Variants in RAB33A observed in about 807,000 individuals in gnomAD.
RAB33A encodes the protein RAB33A, member RAS oncogene family.
In RAB33A, 6 loss-of-function variants were observed where a neutral mutation model predicts 12.0. The observed-to-expected ratio is 0.50, with a 90% CI of 0.27 to 0.99. The LOEUF is 0.99. Among genes scored for constraint, RAB33A ranks in the 50% least tolerant of loss-of-function variants. RAB33A has a pLI of 0.11. For synonymous variants in RAB33A, 70 were observed against 82.4 expected (o/e 0.85, Z 0.81); for missense variants, 109 against 192.0 (o/e 0.57, Z 2.55).
the RAB33A span, among the ~76,000 whole-genome samples, chrX:130,112,417 A>G: frequency 2.7e-5 from 3 of 111,806 alleles, no homozygotes; most frequent in African/African-American, 9.8e-5. Context: ...ACACGCGTGC[A>G]CACACACACA....
the RAB33A span, chrX:130,136,769 G>GT: frequency 3.8e-5 from 44 of 1,164,211 alleles, no homozygotes; most frequent in Non-Finnish European, 5.2e-5. Context: ...GAGCCTACAA[G>GT]GCTATCACTT....
intron 1 of RAB33A, among the ~76,000 whole-genome samples, chrX:130,179,415 T>C (rs937136858): frequency 3.1e-4 from 34 of 110,522 alleles, no homozygotes; most frequent in African/African-American, 1.1e-3. Context: ...ATCTGCCACA[T>C]GCCTGAGGGC....
At position 130,172,046 on chromosome X, in the gene RAB33A, G is replaced by A. The variant is rs755160900; in HGVS notation, c.-17G>A. ...AGCCCTCAAGGGGGGTTGGGGCCCC[G>A]GTTCGGTCCGGGGGAGATGGCGCAG... On this transcript the variant is annotated 5_prime_UTR_variant, in exon 1 of 2. Transcript: ENST00000257017. 3 of 1,193,433 alleles carry A rather than the reference G, an allele frequency of 2.5e-6. No individual in the cohort carries two copies. The highest frequency in any genetic ancestry group is 2.3e-5 in the Admixed American group (1 of 43,219).
At chrX:130,131,936 G>C in the RAB33A span, 17 of 757,788 alleles carry the variant, frequency 2.2e-5, no homozygotes, top group Non-Finnish European at 3.1e-5. Context: ...CAATGGGTGC[G>C]AACTCAGTTC....
chrX:130,155,342 T>G, the RAB33A span: 1 of 1,174,242 alleles, frequency 8.5e-7, no homozygotes, highest in Non-Finnish European at 1.2e-6. Context: ...TACTAAGTAT[T>G]AATGAAGAAA....
the RAB33A span, among the ~76,000 whole-genome samples, chrX:130,146,831 T>C: frequency 8.9e-6 from 1 of 111,995 alleles, no homozygotes; most frequent in Non-Finnish European, 1.9e-5. Context: ...AAAAAGTTTC[T>C]TTTCTTCTGC....
chrX:130,171,571 A>C (rs999808035), upstream of RAB33A: 23 of 121,042 alleles, frequency 1.9e-4, 1 homozygote, highest in Non-Finnish European at 2.2e-4. Context: ...AAACGGGGGC[A>C]AGGAGAAAGA....
At chrX:130,136,984 G>A in the RAB33A span, 2 of 1,203,992 alleles carry the variant, frequency 1.7e-6, no homozygotes, top group Non-Finnish European at 2.2e-6. Context: ...CAGGTGATAG[G>A]GCTTATGTCA....
At chrX:130,182,139 CAAA>C (rs1188540923) in intron 1 of RAB33A, among the ~76,000 whole-genome samples, 15 of 30,505 alleles carry the variant, frequency 4.9e-4, no homozygotes, top group African/African-American at 2.2e-3. Context: ...TCTGTCTCTA[CAAA>C]AAAAAAAAAA....
At chrX:130,122,570 G>T in the RAB33A span, among the ~76,000 whole-genome samples, 3 of 112,315 alleles carry the variant, frequency 2.7e-5, no homozygotes, top group South Asian at 3.6e-4. Flanking sequence ...TAGGAGCAAG[G>T]GGGGGTGGGA....
the RAB33A span, among the ~76,000 whole-genome samples, chrX:130,157,827 T>G: frequency 9.2e-6 from 1 of 108,691 alleles, no homozygotes; most frequent in Non-Finnish European, 1.9e-5. Context: ...TGGTGGGGCA[T>G]GCTTGTAGTC....
At chrX:130,115,999 G>A in the RAB33A span, among the ~76,000 whole-genome samples, 1 of 109,622 alleles carries the variant, frequency 9.1e-6, no homozygotes, top group Admixed American at 9.8e-5. Flanking sequence ...CATAAGCAGT[G>A]TTTGTTCTAA....
At position 130,173,178 on chromosome X, in the gene RAB33A, T is replaced by G. The variant is rs1266123987; in HGVS notation, c.258+858T>G. Among the ~76,000 whole-genome samples, 3 of 112,194 alleles carry G rather than the reference T, an allele frequency of 2.7e-5. No homozygotes were observed. The East Asian group carries it at 8.3e-4, about 31-fold the overall frequency. On this transcript the variant is annotated intron_variant, in intron 1 of 1. Transcript: ENST00000257017. ...TTGTCTGACCATTTGTGCTCACCTTTAATTCAGAAAAGGTAGAAACCTGAT... is the reference window on the plus strand; with the variant it reads ...TTGTCTGACCATTTGTGCTCACCTTGAATTCAGAAAAGGTAGAAACCTGAT...
chrX:130,115,835 T>C, the RAB33A span, among the ~76,000 whole-genome samples: 1 of 111,455 alleles, frequency 9.0e-6, no homozygotes. Context: ...CCTATAAATC[T>C]GAGAAACCCC....
the RAB33A span, among the ~76,000 whole-genome samples, chrX:130,138,422 G>A: frequency 9.1e-6 from 1 of 109,474 alleles, no homozygotes; most frequent in Non-Finnish European, 1.9e-5. Flanking sequence ...CCGAGATCGC[G>A]CCACTGCACT....
chrX:130,137,808 A>C, the RAB33A span: 4 of 893,552 alleles, frequency 4.5e-6, no homozygotes, highest in South Asian at 4.6e-5. Flanking sequence ...CACACCTATA[A>C]TCCCAGCACT....
the RAB33A span, among the ~76,000 whole-genome samples, chrX:130,141,405 A>C: frequency 2.7e-5 from 3 of 111,963 alleles, no homozygotes; most frequent in Non-Finnish European, 1.9e-5. Flanking sequence ...AGCCTTTCTT[A>C]TATGGCTGTT....
At chrX:130,128,606 T>C in the RAB33A span, among the ~76,000 whole-genome samples, 2 of 112,387 alleles carry the variant, frequency 1.8e-5, no homozygotes, top group African/African-American at 3.2e-5. Flanking sequence ...TTTTTAAAAG[T>C]TAAGCAATCT....
At chrX:130,142,925 A>C in the RAB33A span, among the ~76,000 whole-genome samples, 2 of 111,938 alleles carry the variant, frequency 1.8e-5, no homozygotes, top group Admixed American at 9.5e-5. Context: ...TGAACCGCCA[A>C]ATCTCACAGT....
Sources: allele counts gnomAD v4.1 joint callset (sites outside exome capture counted in the v4.1 genomes callset), GRCh38; gene constraint gnomAD v4.1.1; transcripts MANE v1.5; gene names NCBI Gene and HGNC (gene_info 2026-07-23, HGNC 2026-07-21).